FSTL1: variants seen among roughly 807,000 people sequenced by gnomAD.
FSTL1 encodes follistatin-related protein 1.
A neutral mutation model predicts 45.9 loss-of-function variants in FSTL1; 24 were observed. The ratio of observed to expected loss-of-function variants is 0.52; its 90% CI spans 0.38 to 0.74. The LOEUF (loss-of-function observed/expected upper bound fraction) is 0.74, where lower values mean the gene tolerates loss of function less well. FSTL1 is among the 30% of genes least tolerant of loss of function. The pLI is 0.00. For missense variants in FSTL1, 340 were observed against 381.8 expected, an observed-to-expected ratio of 0.89 and a Z score of 0.91; for synonymous variants, 120 against 137.6, an observed-to-expected ratio of 0.87 and a Z score of 0.89.
intron 2 of FSTL1, among the ~76,000 whole-genome samples, chr3:120,441,811 C>T (rs1937631366): frequency 6.6e-6 from 1 of 152,216 alleles, no homozygotes; most frequent in Non-Finnish European, 1.5e-5. Flanking sequence ...ATTCTCACAA[C>T]CAACCTATGG....
intron 7 of FSTL1, among the ~76,000 whole-genome samples, chr3:120,403,939 AAAAAACAAAAACAAAACAAAAC>A (rs1936886744): frequency 8.7e-6 from 1 of 115,570 alleles, no homozygotes; most frequent in African/African-American, 3.1e-5. Context: ...AAAAAAAAAA[AAAAAACAAAAACAAAACAAAAC>A]AAAAACAAAA....
rs2107658012 is a variant in FSTL1, at chr3:120,415,969, T to G, written c.122A>C (p.Glu41Ala). The G allele has an allele frequency of 6.2e-7, 1 of 1,614,054 alleles. No homozygotes were observed. Among genetic ancestry groups the G allele is most frequent in the Non-Finnish European group, 8.5e-7 (1 of 1,179,914 alleles). ...TTCCCCTTTCTCTGTGACTGCACAT[T>G]CCCGGCCGGCTCCACAAAACACATT... is the stretch of plus-strand genomic sequence containing the variant. ...CANVFCGAGR[E>A]CAVTEKGEPT... is the part of the protein sequence containing the mutation. The change falls in exon 3 of 11, where the codon GAA becomes GCA. Residue 41 changes from glutamate to alanine, a missense_variant. Transcript: ENST00000295633.
chr3:120,427,094 A>G (rs1937395903), intron 2 of FSTL1, among the ~76,000 whole-genome samples: 1 of 152,206 alleles, frequency 6.6e-6, no homozygotes, highest in Admixed American at 6.5e-5. Context: ...AGATAGGCAG[A>G]GAATGTCCCA....
intron 7 of FSTL1, among the ~76,000 whole-genome samples, chr3:120,404,273 A>G (rs1398433617): frequency 2.0e-5 from 3 of 152,260 alleles, no homozygotes; most frequent in Non-Finnish European, 4.4e-5. Context: ...GAATCCTTCT[A>G]GAAACTGTGC....
intron 2 of FSTL1, among the ~76,000 whole-genome samples, chr3:120,446,847 T>C (rs928425339): frequency 6.6e-6 from 1 of 152,164 alleles, no homozygotes; most frequent in Non-Finnish European, 1.5e-5. Flanking sequence ...GTGAAGTACA[T>C]CTATTTGTAG....
At chr3:120,423,554 C>G (rs1461833090) in intron 2 of FSTL1, 1 of 152,130 alleles carries the variant, frequency 6.6e-6, no homozygotes, top group Non-Finnish European at 1.5e-5. Flanking sequence ...ACTTCAAGAG[C>G]TGGGCCATGA....
At chr3:120,406,143 T>C (rs1414335623) in intron 6 of FSTL1, among the ~76,000 whole-genome samples, 2 of 152,134 alleles carry the variant, frequency 1.3e-5, no homozygotes, top group Non-Finnish European at 2.9e-5. Context: ...TATTAGGCCT[T>C]TGCTTAGTAC....
intron 2 of FSTL1, among the ~76,000 whole-genome samples, chr3:120,450,324 C>A (rs1160433242): frequency 1.3e-5 from 2 of 152,128 alleles, no homozygotes; most frequent in East Asian, 3.9e-4. Flanking sequence ...GAAAAGTCCC[C>A]AACTACTCTC....
At chr3:120,424,913 T>G (rs1449801683) in intron 2 of FSTL1, among the ~76,000 whole-genome samples, 2 of 152,008 alleles carry the variant, frequency 1.3e-5, no homozygotes, top group East Asian at 3.9e-4. Context: ...CTGCCAATAT[T>G]GGCTAAAGAT....
At chr3:120,424,661 T>C (rs899728152) in intron 2 of FSTL1, among the ~76,000 whole-genome samples, 1 of 152,012 alleles carries the variant, frequency 6.6e-6, no homozygotes, top group Non-Finnish European at 1.5e-5. Flanking sequence ...GTGGCATGGT[T>C]ATAGAAGGAA....
At chr3:120,419,177 C>T (rs1937237277) in intron 2 of FSTL1, 1 of 152,318 alleles carries the variant, frequency 6.6e-6, no homozygotes, top group African/African-American at 2.4e-5. Context: ...GTCCTCGGAA[C>T]AAGAAGTGGT....
rs1186235602 is a variant in FSTL1 at position 120,393,848 on chromosome 3, C to A, written c.*3104G>T. On this transcript the variant is annotated 3_prime_UTR_variant, in exon 11 of 11. Transcript: ENST00000295633. ...AGAGGCCTAAGGGAGTTTGTTCACC[C>A]TTTTCACCATGTGGGGATGCATCAA... The A allele has an allele frequency of 6.6e-6, 1 of 152,126 alleles. No individual in the cohort carries two copies. The highest frequency in any genetic ancestry group is 2.4e-5 in the African/African-American group (1 of 41,418). 9.4% of individuals were successfully genotyped at this position (152,126 alleles called of 1,614,324 possible).
rs1270590098 is a variant in FSTL1, at chr3:120,419,065, G to A, written c.64-3038C>T. The A allele has an allele frequency of 2.0e-5, 3 of 151,992 alleles. No individual in the cohort carries two copies. In the East Asian group the frequency reaches 5.8e-4, roughly 29 times the overall value. The allele number at this position is 151,992 out of a possible 1,614,324, so 9.4% of individuals were successfully genotyped here. A position where few individuals can be genotyped will look rare whatever the true frequency, so the allele number is the denominator to read the frequency against. On this transcript the variant is annotated intron_variant, in intron 2 of 10. Coordinates refer to ENST00000295633, the MANE Select transcript of FSTL1 (RefSeq NM_007085.5). ...AGTTACACAATCATTCCTCTTTGCAGGTGACACGTCTGTCAATAGGTGGCA... is the reference window on the plus strand; with the variant it reads ...AGTTACACAATCATTCCTCTTTGCAAGTGACACGTCTGTCAATAGGTGGCA...
chr3:120,434,058 G>A (rs1937516911), intron 2 of FSTL1, among the ~76,000 whole-genome samples: 1 of 152,184 alleles, frequency 6.6e-6, no homozygotes, highest in Admixed American at 6.5e-5. Flanking sequence ...AGGCTGTCCT[G>A]TACAGAAAGA....
chr3:120,433,871 C>G (rs1050412915), intron 2 of FSTL1, among the ~76,000 whole-genome samples: 2 of 152,188 alleles, frequency 1.3e-5, no homozygotes, highest in African/African-American at 4.8e-5. Flanking sequence ...AGCCATAGCA[C>G]TGGGTCCAAA....
At chr3:120,403,920 C>CAAAAAAAAAAAAAAAAAAAAAAAA (rs34145564) in intron 7 of FSTL1, among the ~76,000 whole-genome samples, 3 of 52,142 alleles carry the variant, frequency 5.8e-5, no homozygotes, top group Non-Finnish European at 9.7e-5. Context: ...GACTCCGTCT[C>CAAAAAAAAAAAAAAAAAAAAAAAA]AAAAAAAAAA....
chr3:120,450,538 C>G, intron 2 of FSTL1, 146 bp downstream of exon 2: 1 of 509,166 alleles, frequency 2.0e-6, no homozygotes, highest in Non-Finnish European at 3.4e-6. Context: ...AGCATTACTG[C>G]CCCAGCTCCA....
intron 3 of FSTL1, among the ~76,000 whole-genome samples, chr3:120,412,838 G>GCGCGCACA (rs1429168694): frequency 3.1e-3 from 328 of 106,112 alleles, no homozygotes; most frequent in East Asian, 0.01. Flanking sequence ...GCGCGCGCGC[G>GCGCGCACA]CACACACACA....
At chr3:120,433,405 T>C (rs1937509895) in intron 2 of FSTL1, among the ~76,000 whole-genome samples, 1 of 152,254 alleles carries the variant, frequency 6.6e-6, no homozygotes, top group Admixed American at 6.5e-5. Context: ...CAGAGATGAC[T>C]ATCATTAAGA....
Sources: gnomAD v4.1 joint callset for allele counts (sites outside exome capture counted in the v4.1 genomes callset) on GRCh38, gnomAD v4.1.1 for gene constraint, MANE v1.5 for transcripts, NCBI Gene and HGNC (gene_info 2026-07-23, HGNC 2026-07-21) for gene names.